DST: variants seen among roughly 807,000 people sequenced by gnomAD.
The protein encoded by DST is dystonin.
DST carries 253 observed loss-of-function variants against 875.2 expected under a neutral mutation model. That is an observed-to-expected ratio of 0.29 (90% CI 0.26 to 0.32). The LOEUF is 0.32. Among genes scored for constraint, DST ranks in the 10% least tolerant of loss-of-function variants. The pLI is 1.00. For synonymous variants in DST, 3,124 were observed against 3,197.1 expected, an observed-to-expected ratio of 0.98 and a Z score of 0.77; for missense variants, 8,287 against 9,111.6, an observed-to-expected ratio of 0.91 and a Z score of 3.68.
chr6:56,871,944 G>A (rs1040229833), intron 3 of DST, among the ~76,000 whole-genome samples: 2 of 152,136 alleles, frequency 1.3e-5, no homozygotes, highest in African/African-American at 2.4e-5. Flanking sequence ...CCTCATGCTC[G>A]CTTAGACGTG....
intron 9 of DST, chr6:56,692,690 C>T (rs556043684): frequency 8.5e-6 from 11 of 1,289,596 alleles, no homozygotes; most frequent in Admixed American, 2.3e-5. Flanking sequence ...TTCCTCTTTG[C>T]GCAATATGGA....
intron 4 of DST, among the ~76,000 whole-genome samples, chr6:56,775,078 G>C (rs976573154): frequency 1.3e-5 from 2 of 151,552 alleles, no homozygotes; most frequent in Non-Finnish European, 2.9e-5. Context: ...GATGCAAACA[G>C]CTTCAATAGT....
rs866453035 is a variant in DST, at chr6:56,553,451, T to C, written c.15341A>G (p.Tyr5114Cys). ...SKTLTAQSHM[Y>C]EKTIAEGENL... ...TTCACCTTCTGCAATGGTTTTTTCA[T>C]ACATATGAGACTGAGCGGTCAAAGT... The change falls in exon 61 of 104, where the codon TAT becomes TGT. Residue 5114 changes from tyrosine to cysteine, a missense_variant. Coordinates refer to ENST00000680361, the MANE Select transcript of DST (RefSeq NM_001374736.1). 10 of 1,607,338 alleles carry C rather than the reference T, an allele frequency of 6.2e-6. No homozygotes were observed. Among genetic ancestry groups the C allele is most frequent in the Middle Eastern group, 3.3e-4 (2 of 6,042 alleles).
intron 4 of DST, among the ~76,000 whole-genome samples, chr6:56,814,784 TAA>T (rs1322364365): frequency 6.6e-6 from 1 of 152,180 alleles, no homozygotes; most frequent in East Asian, 1.9e-4. Flanking sequence ...ATGATATATT[TAA>T]AGTTTAATTG....
intron 4 of DST, among the ~76,000 whole-genome samples, chr6:56,755,436 T>C (rs1168021894): frequency 6.6e-6 from 1 of 152,248 alleles, no homozygotes; most frequent in Non-Finnish European, 1.5e-5. Flanking sequence ...ATTGGCAGAA[T>C]ACTTTCATGT....
intron 77 of DST, among the ~76,000 whole-genome samples, chr6:56,505,236 C>T (rs1029323729): frequency 1.4e-4 from 21 of 152,142 alleles, no homozygotes; most frequent in African/African-American, 5.1e-4. Context: ...GGTGATGCTA[C>T]TAATACATGA....
At chr6:56,836,188 AATAAAT>A (rs2153067183) in intron 4 of DST, among the ~76,000 whole-genome samples, 1 of 152,306 alleles carries the variant, frequency 6.6e-6, no homozygotes, top group South Asian at 2.1e-4. Flanking sequence ...TCAGAATCTT[AATAAAT>A]ATATTTTCAT....
chr6:56,691,590 G>C (rs2099229980), intron 9 of DST, among the ~76,000 whole-genome samples: 1 of 152,130 alleles, frequency 6.6e-6, no homozygotes, highest in African/African-American at 2.4e-5. Flanking sequence ...ATCAACTCCT[G>C]AGTAGTAACA....
intron 50 of DST, among the ~76,000 whole-genome samples, chr6:56,577,484 G>A (rs1352559170): frequency 6.6e-6 from 1 of 152,100 alleles, no homozygotes. Context: ...ATGTTCACAT[G>A]ACTTATACAT....
chr6:56,549,453 C>G (rs1182634333), intron 61 of DST, among the ~76,000 whole-genome samples: 1 of 152,014 alleles, frequency 6.6e-6, no homozygotes, highest in African/African-American at 2.4e-5. Flanking sequence ...TAATGTTTAA[C>G]AAAAGTCTAA....
At chr6:56,553,921 T>C in intron 60 of DST, among the ~76,000 whole-genome samples, 1 of 152,050 alleles carries the variant, frequency 6.6e-6, no homozygotes. Flanking sequence ...TAAGTAAAAA[T>C]GCATCAAGGT....
At chr6:56,642,634 A>G (rs1378161491) in intron 15 of DST, 131 bp from the exon 16 acceptor site, 1 of 1,614,046 alleles carries the variant, frequency 6.2e-7, no homozygotes, top group East Asian at 2.2e-5. Context: ...GTGTCCATCA[A>G]AGGATTCACT....
chr6:56,880,605 T>C (rs1356584252), intron 3 of DST, among the ~76,000 whole-genome samples: 1 of 150,092 alleles, frequency 6.7e-6, no homozygotes, highest in Non-Finnish European at 1.5e-5. Context: ...GAGAATTGCA[T>C]GAACCCAGGA....
chr6:56,573,159 T>C (rs2097802218), intron 51 of DST, 95 bp from the exon 52 acceptor site: 3 of 1,095,758 alleles, frequency 2.7e-6, no homozygotes, highest in Admixed American at 5.9e-5. Context: ...AACATAAGCT[T>C]GCACAACCTG....
chr6:56,816,863 T>C (rs898161585), intron 4 of DST, among the ~76,000 whole-genome samples: 3 of 151,752 alleles, frequency 2.0e-5, no homozygotes, highest in East Asian at 1.9e-4. Context: ...ATTCCTACCA[T>C]ATATAAAGTA....
intron 4 of DST, among the ~76,000 whole-genome samples, chr6:56,744,705 C>T (rs577779523): frequency 1.3e-3 from 200 of 152,262 alleles, no homozygotes; most frequent in African/African-American, 4.5e-3. Flanking sequence ...GAGCTATCAG[C>T]TCACACCCAA....
At position 56,501,895 on chromosome 6, in the gene DST, T is replaced by G. The variant is rs1167594841; in HGVS notation, c.19567-202A>C. ...AAAATATTTTCTCTTTATTCAATAT[T>G]TTTGGATGGATAGATGTTTCTATTT... On this transcript the variant is annotated intron_variant, in intron 78 of 103. Transcript: ENST00000680361. Among the ~76,000 whole-genome samples, 4 of 152,216 alleles carry G rather than the reference T, an allele frequency of 2.6e-5. No homozygotes were observed. In the East Asian group the frequency reaches 5.8e-4, roughly 22 times the overall value.
At chr6:56,647,867 A>G (rs1250650530) in intron 13 of DST, among the ~76,000 whole-genome samples, 4 of 151,754 alleles carry the variant, frequency 2.6e-5, no homozygotes, top group Non-Finnish European at 5.9e-5. Flanking sequence ...TGTATTTTTA[A>G]TAGAGATGGG....
chr6:56,487,238 G>A lies in DST; in HGVS notation c.20913C>T (p.Val6971=). The change falls in exon 87 of 104, where the codon GTC becomes GTT. Residue 6971 remains valine (V), a synonymous_variant. Coordinates refer to ENST00000680361, the MANE Select transcript of DST (RefSeq NM_001374736.1). ...FQKSLGAKHS[V]YDTTNRTGRS... is the part of the protein sequence containing the mutation. ...GTCCAGTCCTGTTGGTGGTGTCGTA[G>A]ACAGAATGCTTGGCTCCGAGTGATT... 1 of 1,597,642 alleles carries A rather than the reference G, an allele frequency of 6.3e-7. No homozygotes were observed.
Sources: gnomAD v4.1 joint callset for allele counts (sites outside exome capture counted in the v4.1 genomes callset) on GRCh38, gnomAD v4.1.1 for gene constraint, MANE v1.5 for transcripts, NCBI Gene and HGNC (gene_info 2026-07-23, HGNC 2026-07-21) for gene names.